SLC9A9: variants seen among roughly 807,000 people sequenced by gnomAD.
SLC9A9 encodes sodium/hydrogen exchanger 9.
A neutral mutation model predicts 77.8 loss-of-function variants in SLC9A9; 62 were observed. The observed-to-expected ratio is 0.80, with a 90% confidence interval of 0.65 to 0.98. The LOEUF (loss-of-function observed/expected upper bound fraction) is 0.98. Ranked by LOEUF, SLC9A9 falls within the 50% of genes least tolerant of loss-of-function variation. The probability of loss-of-function intolerance (pLI) is 0.00; values close to 1 mark genes in which losing one functional copy is unlikely to be tolerated. For missense variants in SLC9A9, 775 were observed against 774.9 expected (o/e 1.00, Z 0.00); for synonymous variants, 320 against 283.5 (o/e 1.13, Z -1.29).
intron 14 of SLC9A9, among the ~76,000 whole-genome samples, chr3:143,299,014 G>T (rs966551976): frequency 1.3e-5 from 2 of 152,146 alleles, no homozygotes; most frequent in African/African-American, 4.8e-5. Context: ...GGGTGAACAA[G>T]GTATGTACGC....
chr3:143,639,365 A>C (rs948150410), intron 6 of SLC9A9, among the ~76,000 whole-genome samples: 1 of 152,238 alleles, frequency 6.6e-6, no homozygotes, highest in Non-Finnish European at 1.5e-5. Context: ...ATCAACTACT[A>C]TCTGTTAGTA....
At chr3:143,372,807 G>T (rs1263148015) in intron 13 of SLC9A9, among the ~76,000 whole-genome samples, 1 of 152,012 alleles carries the variant, frequency 6.6e-6, no homozygotes, top group African/African-American at 2.4e-5. Context: ...GACATGAATA[G>T]ACATTTTTCA....
At chr3:143,833,811 C>T (rs546828359) in intron 1 of SLC9A9, among the ~76,000 whole-genome samples, 5 of 152,236 alleles carry the variant, frequency 3.3e-5, no homozygotes, top group African/African-American at 9.6e-5. Context: ...TAACACAATG[C>T]ATATATACAG....
In SLC9A9 at chr3:143,517,905, C is replaced by T. The variant is rs762459632; in HGVS notation, c.1090-22457G>A. On this transcript the variant is annotated intron_variant, in intron 9 of 15. Transcript: ENST00000316549. ...TAATCATTTGCCTGATCCATCATCTCCTCCGTTATCTCCGCATTTTCATCT... is the reference window on the plus strand; with the variant it reads ...TAATCATTTGCCTGATCCATCATCTTCTCCGTTATCTCCGCATTTTCATCT... 3.9e-6 allele frequency: 6 copies of T among 1,520,834 alleles called. No homozygotes were observed. In the East Asian group the frequency reaches 1.1e-4, roughly 28 times the overall value. 94.2% of individuals were successfully genotyped at this position (1,520,834 alleles called of 1,614,324 possible). A position where few individuals can be genotyped will look rare whatever the true frequency, so the allele number is the denominator to read the frequency against.
intron 14 of SLC9A9, among the ~76,000 whole-genome samples, chr3:143,301,804 A>G (rs1401877829): frequency 6.6e-6 from 1 of 152,160 alleles, no homozygotes; most frequent in East Asian, 1.9e-4. Context: ...GTGTCTTCCC[A>G]ACCACATTTC....
rs1576615746 is a variant in SLC9A9 at position 143,621,164 on chromosome 3, G to T, written c.755+31091C>A. The stretch of plus-strand genomic sequence containing the variant: ...CACCACAGCTCAAGGATGCCTGCCT[G>T]CCTCTGTAGACTCCACCTCTGGGGG... On this transcript the variant is annotated intron_variant, in intron 6 of 15. Coordinates refer to ENST00000316549, the MANE Select transcript of SLC9A9 (RefSeq NM_173653.4). 2.0e-5 allele frequency among the ~76,000 whole-genome samples: 3 copies of T among 152,344 alleles called. No homozygotes were observed. In the Middle Eastern group the frequency reaches 0.01, roughly 518 times the overall value.
chr3:143,786,527 A>G (rs539439859), intron 4 of SLC9A9, among the ~76,000 whole-genome samples: 2 of 152,106 alleles, frequency 1.3e-5, no homozygotes, highest in Admixed American at 6.5e-5. Flanking sequence ...TCTAAACTAC[A>G]TCTCTGATGA....
chr3:143,468,797 T>C (rs947332854), intron 11 of SLC9A9, among the ~76,000 whole-genome samples: 4 of 152,260 alleles, frequency 2.6e-5, no homozygotes, highest in African/African-American at 9.6e-5. Context: ...TTTCTTATTT[T>C]ACTTTTTCTT....
chr3:143,617,902 A>G (rs2108707963), intron 6 of SLC9A9, among the ~76,000 whole-genome samples: 1 of 152,370 alleles, frequency 6.6e-6, no homozygotes, highest in Non-Finnish European at 1.5e-5. Context: ...CTCTGGCCTG[A>G]CAAGACTGGT....
intron 12 of SLC9A9, among the ~76,000 whole-genome samples, chr3:143,389,872 AGAAG>A (rs1433833233): frequency 1.7e-4 from 26 of 152,126 alleles, no homozygotes; most frequent in Admixed American, 1.7e-3. Flanking sequence ...GGTTAGAGGG[AGAAG>A]GAAGAAAGGG....
Position 143,495,346 on chromosome 3 carries a change from G to C in SLC9A9, c.1192C>G (p.Leu398Val), listed in dbSNP as rs1212322254. 1.2e-6 allele frequency: 2 copies of C among 1,611,860 alleles called. No individual in the cohort carries two copies. The highest frequency in any genetic ancestry group is 1.7e-5 in the Admixed American group (1 of 59,988). ...ATTTCAAAGGATACAAAGGCTCCAA[G>C]TATAAAAAGAGCATTAAAGATATGA... ...QNHIFNALFI[L>V]GAFLAIFVAR... is the part of the protein sequence containing the mutation. Residue 398 changes from leucine to valine, a missense_variant, in exon 10 of 16, where the codon CTT becomes GTT. Transcript: ENST00000316549.
intron 2 of SLC9A9, among the ~76,000 whole-genome samples, chr3:143,811,107 G>A (rs546614672): frequency 1.7e-4 from 26 of 152,228 alleles, no homozygotes; most frequent in African/African-American, 6.3e-4. Context: ...GAGAACACCG[G>A]TAGCTTCCTG....
At chr3:143,370,148 T>C (rs2033014414) in intron 13 of SLC9A9, among the ~76,000 whole-genome samples, 1 of 152,218 alleles carries the variant, frequency 6.6e-6, no homozygotes, top group Non-Finnish European at 1.5e-5. Context: ...TATTTTAGGA[T>C]AATTTTTTAT....
At chr3:143,787,817 TATACAA>T (rs1442624190) in intron 4 of SLC9A9, among the ~76,000 whole-genome samples, 1 of 151,622 alleles carries the variant, frequency 6.6e-6, no homozygotes, top group Non-Finnish European at 1.5e-5. Flanking sequence ...AGTTATAAGG[TATACAA>T]ATACAAATGA....
chr3:143,484,361 T>A (rs1356742942), intron 11 of SLC9A9, among the ~76,000 whole-genome samples: 1 of 152,230 alleles, frequency 6.6e-6, no homozygotes, highest in Admixed American at 6.5e-5. Flanking sequence ...TATGTTACCT[T>A]AAGTTGACCT....
chr3:143,656,469 C>A (rs932139383), intron 5 of SLC9A9, among the ~76,000 whole-genome samples: 1 of 152,008 alleles, frequency 6.6e-6, no homozygotes, highest in Non-Finnish European at 1.5e-5. Context: ...TTCAGCTGAC[C>A]ACTTTCTTGA....
At chr3:143,799,997 C>T (rs895752223) in intron 2 of SLC9A9, among the ~76,000 whole-genome samples, 1 of 152,192 alleles carries the variant, frequency 6.6e-6, no homozygotes, top group African/African-American at 2.4e-5. Context: ...AGACAATACT[C>T]TTTTAAGCAC....
chr3:143,653,106 G>A (rs1437231834), intron 5 of SLC9A9, among the ~76,000 whole-genome samples: 1 of 152,142 alleles, frequency 6.6e-6, no homozygotes, highest in Non-Finnish European at 1.5e-5. Flanking sequence ...TCCTGTGAAG[G>A]GAGACACGGT....
chr3:143,313,709 G>A (rs1222133685), intron 14 of SLC9A9, among the ~76,000 whole-genome samples: 1 of 152,182 alleles, frequency 6.6e-6, no homozygotes, highest in Non-Finnish European at 1.5e-5. Flanking sequence ...CTTGGCTTTG[G>A]AAAACACTCA....
Sources: allele counts gnomAD v4.1 joint callset (sites outside exome capture counted in the v4.1 genomes callset), GRCh38; gene constraint gnomAD v4.1.1; transcripts MANE v1.5; gene names NCBI Gene and HGNC (gene_info 2026-07-23, HGNC 2026-07-21).